The following NPSR1 variants were observed in gnomAD, a reference collection of about 807,000 sequenced individuals.
NPSR1 encodes the protein neuropeptide S receptor 1, also known as neuropeptide S receptor.
A neutral mutation model predicts 46.9 loss-of-function variants in NPSR1; 48 were observed. That is an observed-to-expected ratio of 1.02 (90% confidence interval 0.81 to 1.30). The LOEUF (loss-of-function observed/expected upper bound fraction) is 1.30. Among genes scored for constraint, NPSR1 ranks in the 50% most tolerant of loss-of-function variants. The probability of loss-of-function intolerance (pLI) is 0.00; values close to 1 mark genes in which losing one functional copy is unlikely to be tolerated. For synonymous variants in NPSR1, 176 were observed against 168.1 expected, an observed-to-expected ratio of 1.05 and a Z score of -0.36; for missense variants, 450 against 449.5, an observed-to-expected ratio of 1.00 and a Z score of -0.01.
chr7:34,826,290 T>A (rs1789833148), intron 4 of NPSR1, among the ~76,000 whole-genome samples: 1 of 152,186 alleles, frequency 6.6e-6, no homozygotes, highest in South Asian at 2.1e-4. Flanking sequence ...TGCATACAAT[T>A]CAGGAAGAAC....
At chr7:34,683,632 A>G (rs182930818) in intron 1 of NPSR1, among the ~76,000 whole-genome samples, 2 of 152,230 alleles carry the variant, frequency 1.3e-5, no homozygotes, top group Admixed American at 1.3e-4. Flanking sequence ...AGGTGCTGGT[A>G]TCTGGTGAGG....
intron 2 of NPSR1, among the ~76,000 whole-genome samples, chr7:34,744,371 T>C (rs185267220): frequency 6.6e-6 from 1 of 152,342 alleles, no homozygotes; most frequent in East Asian, 1.9e-4. Flanking sequence ...GCTTCCTTTT[T>C]CTTCTTTTTT....
rs548583718 is a variant in NPSR1 at position 34,664,262 on chromosome 7, A to T, written c.147+5703A>T. 5.3e-5 allele frequency among the ~76,000 whole-genome samples: 8 copies of T among 152,322 alleles called. No homozygotes were observed. In the East Asian group the frequency reaches 1.2e-3, roughly 22 times the overall value. ...ACCATCTAGCAGAGTGACTTTGGGC[A>T]CTTTACTTCCACCGGTGTCTCAGTT... On this transcript the variant is annotated intron_variant, in intron 1 of 8. Coordinates refer to ENST00000360581, the MANE Select transcript of NPSR1 (RefSeq NM_207172.2).
chr7:34,718,157 A>C (rs766817841), intron 2 of NPSR1, among the ~76,000 whole-genome samples: 1 of 152,220 alleles, frequency 6.6e-6, no homozygotes, highest in Non-Finnish European at 1.5e-5. Flanking sequence ...AAATTCTTTA[A>C]AAATATTATT....
intron 2 of NPSR1, among the ~76,000 whole-genome samples, chr7:34,692,136 C>T (rs551668071): frequency 6.6e-6 from 1 of 151,620 alleles, no homozygotes; most frequent in Non-Finnish European, 1.5e-5. Flanking sequence ...AAAAACAAAA[C>T]AAAACGAAAC....
Position 34,705,451 on chromosome 7 carries a change from A to AG in NPSR1, c.280+20767_280+20768insG, listed in dbSNP as rs1384112871. Among the ~76,000 whole-genome samples, 706 of 146,212 alleles carry AG rather than the reference A, an allele frequency of 4.8e-3. 4 individuals carry two copies. Among genetic ancestry groups the AG allele is most frequent in the African/African-American group, 0.016 (654 of 40,210 alleles). On this transcript the variant is annotated intron_variant, in intron 2 of 8. Transcript: ENST00000360581. The stretch of plus-strand genomic sequence containing the variant: ...CTCCATATCAAAAAAAAAAAAAAAA[A>AG]AGAGAGAAAAGAAAAGCCTTTCACA...
intron 2 of NPSR1, among the ~76,000 whole-genome samples, chr7:34,693,117 C>T (rs1348357624): frequency 6.6e-6 from 1 of 152,126 alleles, no homozygotes; most frequent in Non-Finnish European, 1.5e-5. Flanking sequence ...ATGTGATGTG[C>T]CTGCTCCCTC....
At chr7:34,712,559 A>T (rs1417521209) in intron 2 of NPSR1, among the ~76,000 whole-genome samples, 1 of 152,204 alleles carries the variant, frequency 6.6e-6, no homozygotes, top group Non-Finnish European at 1.5e-5. Flanking sequence ...AAAATTAAGA[A>T]CCACTATTCT....
intron 8 of NPSR1, among the ~76,000 whole-genome samples, chr7:34,872,113 T>C (rs1312780298): frequency 3.3e-5 from 5 of 151,956 alleles, no homozygotes; most frequent in Non-Finnish European, 5.9e-5. Context: ...ATCTGAAATC[T>C]AGGTGGAAGC....
chr7:34,741,688 T>G (rs1180536075), intron 2 of NPSR1, among the ~76,000 whole-genome samples: 1 of 152,212 alleles, frequency 6.6e-6, no homozygotes. Flanking sequence ...TTCAGGGAGC[T>G]GCCAGACAGT....
intron 4 of NPSR1, among the ~76,000 whole-genome samples, chr7:34,822,418 T>C (rs1429426964): frequency 6.6e-6 from 1 of 152,218 alleles, no homozygotes; most frequent in African/African-American, 2.4e-5. Flanking sequence ...GGGGAGGCCA[T>C]ATTTTATTTA....
At position 34,711,174 on chromosome 7, in the gene NPSR1, G is replaced by A. The variant is rs191247238; in HGVS notation, c.280+26490G>A. ...AGGATTGTAGAACCATATATTGCAC[G>A]AGGGTACCCAAACCTGAAGTCATTA... On this transcript the variant is annotated intron_variant, in intron 2 of 8. Coordinates refer to ENST00000360581, the MANE Select transcript of NPSR1 (RefSeq NM_207172.2). The A allele has an allele frequency of 5.3e-5, 11 of 205,832 alleles. No homozygotes were observed. The East Asian group carries it at 5.8e-4, about 11-fold the overall frequency. 12.8% of individuals were successfully genotyped at this position (205,832 alleles called of 1,614,324 possible). A position where few individuals can be genotyped will look rare whatever the true frequency, so the allele number is the denominator to read the frequency against.
intron 1 of NPSR1, 139 bp downstream of exon 1, chr7:34,658,698 G>A: frequency 1.1e-6 from 1 of 883,376 alleles, no homozygotes; most frequent in Non-Finnish European, 1.7e-6. Flanking sequence ...TTAAAAGTCT[G>A]AAGTGCTAAA....
At chr7:34,804,096 G>A (rs1026217786) in intron 3 of NPSR1, among the ~76,000 whole-genome samples, 1 of 152,000 alleles carries the variant, frequency 6.6e-6, no homozygotes, top group Non-Finnish European at 1.5e-5. Context: ...ACAATTATCT[G>A]CAGTCTTCTC....
chr7:34,791,008 G>GTTATATGTTATATA (rs1787792580), intron 3 of NPSR1, among the ~76,000 whole-genome samples: 1 of 102,208 alleles, frequency 9.8e-6, no homozygotes, highest in African/African-American at 4.1e-5. Flanking sequence ...TATGTTATAT[G>GTTATATGTTATATA]TTATATTATA....
intron 1 of NPSR1, among the ~76,000 whole-genome samples, chr7:34,669,210 T>G (rs1791912557): frequency 6.6e-6 from 1 of 152,204 alleles, no homozygotes; most frequent in Non-Finnish European, 1.5e-5. Context: ...AAGCACCACA[T>G]ATTATACACC....
At chr7:34,741,324 C>T (rs1035528943) in intron 2 of NPSR1, among the ~76,000 whole-genome samples, 5 of 152,132 alleles carry the variant, frequency 3.3e-5, no homozygotes, top group Non-Finnish European at 7.3e-5. Context: ...TCAGGGTCTT[C>T]TCATGTTTTT....
intron 2 of NPSR1, among the ~76,000 whole-genome samples, chr7:34,717,537 G>A (rs1208120978): frequency 1.3e-5 from 2 of 152,164 alleles, no homozygotes; most frequent in Non-Finnish European, 2.9e-5. Context: ...GAAGACTTGG[G>A]CATTTGAGAA....
chr7:34,828,993 T>A (rs1446611377), intron 5 of NPSR1, among the ~76,000 whole-genome samples: 1 of 152,210 alleles, frequency 6.6e-6, no homozygotes, highest in Non-Finnish European at 1.5e-5. Context: ...TAAAAAGTAT[T>A]TCATTGTTTT....
Sources: allele counts gnomAD v4.1 joint callset (sites outside exome capture counted in the v4.1 genomes callset), GRCh38; gene constraint gnomAD v4.1.1; transcripts MANE v1.5; gene names NCBI Gene and HGNC (gene_info 2026-07-23, HGNC 2026-07-21).